Variants in GPM6B observed in about 807,000 individuals in gnomAD.
GPM6B encodes neuronal membrane glycoprotein M6-b.
GPM6B carries 4 observed loss-of-function variants against 27.2 expected under a neutral mutation model. That is an observed-to-expected ratio of 0.15 (90% CI 0.07 to 0.34). The LOEUF (loss-of-function observed/expected upper bound fraction) is 0.34. Among genes scored for constraint, GPM6B ranks in the 10% least tolerant of loss-of-function variants. GPM6B has a pLI of 1.00. For synonymous variants in GPM6B, 124 were observed against 103.1 expected (o/e 1.20, Z -1.23); for missense variants, 183 against 261.9 (o/e 0.70, Z 2.08).
intron 1 of GPM6B, among the ~76,000 whole-genome samples, chrX:13,908,168 C>A (rs2050346419): frequency 9.1e-6 from 1 of 109,660 alleles, no homozygotes; most frequent in South Asian, 4.0e-4. Context: ...AATCTCTGTA[C>A]CTTGCTTTTA....
chrX:13,862,142 C>T (rs1173416608), intron 1 of GPM6B, among the ~76,000 whole-genome samples: 1 of 111,141 alleles, frequency 9.0e-6, no homozygotes, highest in African/African-American at 3.3e-5. Context: ...ATGCCACGGT[C>T]TATTAAGTGG....
rs188866929 is a variant in GPM6B at position 13,780,004 on chromosome X, G to A, written c.526-15C>T. Reference sequence around the variant, plus strand: ...AGGAAAACGAACTAGGCCAAAACAAGAGGAAGGACAATCATCACTGAAACA... The same window carrying A: ...AGGAAAACGAACTAGGCCAAAACAAAAGGAAGGACAATCATCACTGAAACA... On this transcript the variant is annotated splice_polypyrimidine_tract_variant and intron_variant, in intron 4 of 7. Transcript: ENST00000316715. The A allele has an allele frequency of 7.3e-4, 845 of 1,161,750 alleles. 1 individual carries two copies. Among genetic ancestry groups the A allele is most frequent in the Non-Finnish European group, 9.0e-4 (779 of 860,856 alleles).
intron 1 of GPM6B, among the ~76,000 whole-genome samples, chrX:13,841,201 C>T (rs1246781363): frequency 8.9e-6 from 1 of 111,792 alleles, no homozygotes; most frequent in African/African-American, 3.3e-5. Flanking sequence ...ATTTCACATC[C>T]TCCTAAACTC....
chrX:13,878,433 G>A (rs149233253), intron 1 of GPM6B, among the ~76,000 whole-genome samples: 1,535 of 111,581 alleles, frequency 0.014, 10 homozygotes, highest in Non-Finnish European at 0.021. Flanking sequence ...AAGAATCTAT[G>A]TAGACACTTT....
chrX:13,832,342 C>T (rs1486716526), intron 1 of GPM6B, among the ~76,000 whole-genome samples: 3 of 112,330 alleles, frequency 2.7e-5, no homozygotes, highest in African/African-American at 6.5e-5. Flanking sequence ...CTATCCAACA[C>T]GCAGTTAGAC....
chrX:13,884,979 C>A (rs1009658936), intron 1 of GPM6B, among the ~76,000 whole-genome samples: 18 of 111,694 alleles, frequency 1.6e-4, no homozygotes, highest in Middle Eastern at 9.3e-3. Flanking sequence ...AACGAAAAAC[C>A]CAGAAAAAGG....
chrX:13,877,926 A>G (rs1225385945), intron 1 of GPM6B, among the ~76,000 whole-genome samples: 2 of 108,902 alleles, frequency 1.8e-5, no homozygotes, highest in African/African-American at 6.7e-5. Flanking sequence ...ATATCTCAGT[A>G]AGTATCTTGA....
At chrX:13,931,753 C>T (rs1456354644) in intron 1 of GPM6B, among the ~76,000 whole-genome samples, 2 of 111,985 alleles carry the variant, frequency 1.8e-5, no homozygotes, top group African/African-American at 6.5e-5. Context: ...TTACTCCCAT[C>T]TGGCTTTCAG....
chrX:13,864,680 A>G (rs1488878112), intron 1 of GPM6B, among the ~76,000 whole-genome samples: 1 of 112,402 alleles, frequency 8.9e-6, no homozygotes, highest in African/African-American at 3.2e-5. Flanking sequence ...GCAGGAAGTT[A>G]GAGTGGCTTA....
intron 1 of GPM6B, among the ~76,000 whole-genome samples, chrX:13,823,519 GGTTT>G (rs775250340): frequency 0.011 from 889 of 82,163 alleles, 2 homozygotes; most frequent in African/African-American, 0.031. Context: ...CACTGAACCT[GGTTT>G]TTTTTTTTTT....
intron 1 of GPM6B, among the ~76,000 whole-genome samples, chrX:13,917,088 T>A (rs1345100708): frequency 1.8e-5 from 2 of 110,663 alleles, no homozygotes; most frequent in Non-Finnish European, 3.8e-5. Flanking sequence ...GGTGCACAAC[T>A]GTGGTTCCAG....
At chrX:13,830,324 G>A (rs1188360810) in intron 1 of GPM6B, among the ~76,000 whole-genome samples, 1 of 112,109 alleles carries the variant, frequency 8.9e-6, no homozygotes, top group Non-Finnish European at 1.9e-5. Flanking sequence ...GAAGGTACTG[G>A]AGTTCTAAGA....
At chrX:13,816,665 G>A (rs1287987432) in intron 1 of GPM6B, among the ~76,000 whole-genome samples, 179 bp downstream of exon 1, 4 of 111,402 alleles carry the variant, frequency 3.6e-5, no homozygotes, top group Non-Finnish European at 7.5e-5. Context: ...ATGGATTGAA[G>A]AAAGGCTGCT....
chrX:13,787,409 A>T (rs1602991789), intron 2 of GPM6B, among the ~76,000 whole-genome samples: 1 of 111,526 alleles, frequency 9.0e-6, no homozygotes, highest in East Asian at 2.8e-4. Context: ...ACAAAAAATT[A>T]GCCGGGTGTG....
intron 1 of GPM6B, among the ~76,000 whole-genome samples, chrX:13,885,503 A>T (rs913834763): frequency 1.8e-5 from 2 of 111,863 alleles, no homozygotes; most frequent in African/African-American, 6.5e-5. Context: ...GTAAAGTCTG[A>T]TTGGGGTGAG....
At chrX:13,831,799 A>G (rs758803606) in intron 1 of GPM6B, among the ~76,000 whole-genome samples, 4 of 112,341 alleles carry the variant, frequency 3.6e-5, no homozygotes, top group Non-Finnish European at 7.5e-5. Context: ...GATTGCTAAG[A>G]GCAAAAAATG....
At chrX:13,779,203 G>T (rs1317106575) in intron 5 of GPM6B, among the ~76,000 whole-genome samples, 1 of 111,576 alleles carries the variant, frequency 9.0e-6, no homozygotes, top group Non-Finnish European at 1.9e-5. Flanking sequence ...TCTCTTCTGG[G>T]GTTTGTCACA....
intron 1 of GPM6B, among the ~76,000 whole-genome samples, chrX:13,850,058 C>CA (rs1161529914): frequency 1.8e-5 from 2 of 111,438 alleles, no homozygotes; most frequent in African/African-American, 6.5e-5. Context: ...GACTCTGTCT[C>CA]AAAAAATAAT....
chrX:13,773,139 T>A (rs1219112999), intron 7 of GPM6B, 109 bp from the exon 8 acceptor site: 1 of 595,904 alleles, frequency 1.7e-6, no homozygotes, highest in Non-Finnish European at 2.6e-6. Flanking sequence ...GTTAATTCTG[T>A]ATTAATAAAT....
Sources: allele counts gnomAD v4.1 joint callset (sites outside exome capture counted in the v4.1 genomes callset), GRCh38; gene constraint gnomAD v4.1.1; transcripts MANE v1.5; gene names NCBI Gene and HGNC (gene_info 2026-07-23, HGNC 2026-07-21).